PAX7: variants seen among roughly 807,000 people sequenced by gnomAD.
PAX7 encodes the protein paired box 7.
In PAX7, 18 loss-of-function variants were observed where a neutral mutation model predicts 50.7. That is an observed-to-expected ratio of 0.36 (90% confidence interval 0.25 to 0.53). The LOEUF (loss-of-function observed/expected upper bound fraction) is 0.53, where lower values mean the gene tolerates loss of function less well. Ranked by LOEUF, PAX7 falls within the 20% of genes least tolerant of loss-of-function variation. The pLI is 0.93. For synonymous variants in PAX7, 310 were observed against 290.4 expected (o/e 1.07, Z -0.69); for missense variants, 644 against 702.9 (o/e 0.92, Z 0.95).
rs2088122869 is a variant in PAX7, at chr1:18,634,974, A to G, written c.322-137A>G. 3.6e-6 allele frequency: 4 copies of G among 1,109,430 alleles called. No homozygotes were observed. Among genetic ancestry groups the G allele is most frequent in the Non-Finnish European group, 3.8e-6 (3 of 796,058 alleles). 68.7% of individuals were successfully genotyped at this position (1,109,430 alleles called of 1,614,324 possible). A position where few individuals can be genotyped will look rare whatever the true frequency, so the allele number is the denominator to read the frequency against. On this transcript the variant is annotated intron_variant, in intron 2 of 8. Coordinates refer to ENST00000420770, the MANE Select transcript of PAX7 (RefSeq NM_001135254.2). The surrounding 1 kb of genome is among the most constrained non-coding windows in gnomAD (Gnocchi z 4.0). ...CCGGTTTCTTGAAAGGATAAAGCCA[A>G]TCTCTTGGGGGATGGGGGGACACAA...
At chr1:18,686,507 G>A (rs181408506) in intron 4 of PAX7, among the ~76,000 whole-genome samples, 192 of 152,050 alleles carry the variant, frequency 1.3e-3, no homozygotes, top group Admixed American at 3.7e-3. Context: ...CTCCCCCCAC[G>A]TCCCCCTCCT....
intron 4 of PAX7, among the ~76,000 whole-genome samples, chr1:18,640,064 T>C (rs1427096710): frequency 1.3e-5 from 2 of 151,598 alleles, no homozygotes; most frequent in Non-Finnish European, 2.9e-5. Context: ...AAAGACCATC[T>C]GAGGTGGGGG....
chr1:18,672,178 G>T (rs897137520), intron 4 of PAX7, among the ~76,000 whole-genome samples: 1 of 151,762 alleles, frequency 6.6e-6, no homozygotes, highest in African/African-American at 2.4e-5. Context: ...CTCATCCCAC[G>T]CACCCTTGAT....
At chr1:18,670,948 C>T (rs1386307985) in intron 4 of PAX7, among the ~76,000 whole-genome samples, 1 of 152,224 alleles carries the variant, frequency 6.6e-6, no homozygotes, top group Non-Finnish European at 1.5e-5. Flanking sequence ...ACTCACCCAA[C>T]TCCTGCCTCA....
intron 8 of PAX7, among the ~76,000 whole-genome samples, chr1:18,736,647 A>G (rs1352138728): frequency 6.6e-6 from 1 of 152,198 alleles, no homozygotes; most frequent in East Asian, 1.9e-4. Flanking sequence ...TTACACTTAC[A>G]GCCCATTTTA....
At chr1:18,737,547 A>G (rs1930827033) in intron 8 of PAX7, among the ~76,000 whole-genome samples, 1 of 152,252 alleles carries the variant, frequency 6.6e-6, no homozygotes, top group Non-Finnish European at 1.5e-5. Context: ...GTGTGTGTGC[A>G]TGTGATGCTT....
At chr1:18,693,793 G>T (rs1221628087) in intron 5 of PAX7, among the ~76,000 whole-genome samples, 1 of 152,182 alleles carries the variant, frequency 6.6e-6, no homozygotes, top group Non-Finnish European at 1.5e-5. Flanking sequence ...TCGTTCCCAC[G>T]TCTGGCGGCC....
At chr1:18,736,396 C>T (rs983288954) in intron 8 of PAX7, among the ~76,000 whole-genome samples, 5 of 144,198 alleles carry the variant, frequency 3.5e-5, no homozygotes, top group African/African-American at 5.1e-5. Flanking sequence ...ACCCGGGAAG[C>T]GGAGGTTGCA....
intron 4 of PAX7, among the ~76,000 whole-genome samples, chr1:18,684,048 C>A (rs184587489): frequency 7.2e-5 from 11 of 152,310 alleles, no homozygotes; most frequent in Non-Finnish European, 8.8e-5. Flanking sequence ...CCTCAGTGCC[C>A]GCTCTTCCTG....
chr1:18,684,103 G>A (rs1219557508), intron 4 of PAX7, among the ~76,000 whole-genome samples: 3 of 152,224 alleles, frequency 2.0e-5, no homozygotes, highest in Non-Finnish European at 4.4e-5. Context: ...GCCATGAGGA[G>A]GGTGGGACAG....
chr1:18,692,459 T>C (rs1244511659), intron 5 of PAX7, among the ~76,000 whole-genome samples: 2 of 151,788 alleles, frequency 1.3e-5, no homozygotes, highest in Non-Finnish European at 2.9e-5. Context: ...GGAGAGTCAC[T>C]TGAACGTGGG....
chr1:18,736,661 C>A (rs74056086), intron 8 of PAX7, among the ~76,000 whole-genome samples: 1 of 152,046 alleles, frequency 6.6e-6, no homozygotes, highest in African/African-American at 2.4e-5. Flanking sequence ...CATTTTAATT[C>A]GGACACTGAG....
At chr1:18,641,268 A>G (rs1197933302) in intron 4 of PAX7, among the ~76,000 whole-genome samples, 2 of 152,168 alleles carry the variant, frequency 1.3e-5, no homozygotes, top group Admixed American at 6.5e-5. Flanking sequence ...ACAAGGGAGA[A>G]CAGGCGAGCG....
chr1:18,642,123 C>T (rs1048357598), intron 4 of PAX7, among the ~76,000 whole-genome samples: 8 of 151,050 alleles, frequency 5.3e-5, no homozygotes, highest in Non-Finnish European at 1.2e-4. Context: ...AGTTGTCACA[C>T]ATTACATTAT....
At position 18,700,077 on chromosome 1, in the gene PAX7, CGTGT is replaced by C. The variant is rs66600721; in HGVS notation, c.787-539_787-536del. On this transcript the variant is annotated intron_variant, in intron 5 of 8. Coordinates refer to ENST00000420770, the MANE Select transcript of PAX7 (RefSeq NM_001135254.2). This position sits in a 1 kb window ranked among gnomAD's most constrained non-coding sequence, Gnocchi z 4.8. Reference sequence around the variant, plus strand: ...TTATCCCACTAATGTTTGATAAATCCGTGTGTGTGTGTGTGTGTGTGTGTGTGTG... The same window carrying C: ...TTATCCCACTAATGTTTGATAAATCCGTGTGTGTGTGTGTGTGTGTGTGTG... Among the ~76,000 whole-genome samples, 13,115 of 145,646 alleles carry C rather than the reference CGTGT, an allele frequency of 0.09. 596 individuals carry two copies. The highest frequency in any genetic ancestry group is 0.093 in the Non-Finnish European group (6,105 of 65,884).
chr1:18,642,050 G>A (rs1371618466), intron 4 of PAX7, among the ~76,000 whole-genome samples: 15 of 148,486 alleles, frequency 1.0e-4, no homozygotes, highest in Middle Eastern at 3.4e-3. Flanking sequence ...TATAACAGTA[G>A]CCTTAAAGCA....
chr1:18,692,264 A>G (rs778959349), intron 5 of PAX7, among the ~76,000 whole-genome samples: 7 of 151,260 alleles, frequency 4.6e-5, no homozygotes, highest in East Asian at 2.0e-4. Context: ...GAGGGAGGCC[A>G]GGTGTGGTGG....
intron 7 of PAX7, among the ~76,000 whole-genome samples, chr1:18,710,166 A>G (rs1408764493): frequency 1.3e-5 from 2 of 151,970 alleles, no homozygotes; most frequent in African/African-American, 4.8e-5. Context: ...CAGCAACCCT[A>G]CTCTTGGGGA....
intron 4 of PAX7, among the ~76,000 whole-genome samples, chr1:18,669,838 T>A (rs2088717901): frequency 6.6e-6 from 1 of 152,144 alleles, no homozygotes; most frequent in Non-Finnish European, 1.5e-5. Context: ...CAAAAAGCCC[T>A]TAATAGGGAG....
Sources: allele counts gnomAD v4.1 joint callset (sites outside exome capture counted in the v4.1 genomes callset), GRCh38; gene constraint gnomAD v4.1.1; non-coding constraint Gnocchi (gnomAD v3.1); transcripts MANE v1.5; gene names NCBI Gene and HGNC (gene_info 2026-07-23, HGNC 2026-07-21).